Variants in ATP7A observed in about 807,000 individuals in gnomAD.
ATP7A encodes the protein ATPase copper transporting alpha.
A neutral mutation model predicts 83.5 loss-of-function variants in ATP7A; 7 were observed. The observed-to-expected ratio is 0.08, with a 90% CI of 0.05 to 0.16. The LOEUF is 0.16. Among genes scored for constraint, ATP7A ranks in the 10% least tolerant of loss-of-function variants. The probability of loss-of-function intolerance (pLI) is 1.00; values close to 1 mark genes in which losing one functional copy is unlikely to be tolerated. For synonymous variants in ATP7A, 354 were observed against 395.2 expected, an observed-to-expected ratio of 0.90 and a Z score of 1.24; for missense variants, 940 against 1,120.8, an observed-to-expected ratio of 0.84 and a Z score of 2.30.
At chrX:77,939,913 A>G (rs1264747644) in intron 1 of ATP7A, among the ~76,000 whole-genome samples, 1 of 108,315 alleles carries the variant, frequency 9.2e-6, no homozygotes, top group Non-Finnish European at 1.9e-5. Context: ...AAAAATACTA[A>G]GGAATAAATT....
chrX:78,030,767 C>T (rs186304579), intron 15 of ATP7A, among the ~76,000 whole-genome samples: 29 of 105,331 alleles, frequency 2.8e-4, no homozygotes, highest in Admixed American at 2.0e-3. Flanking sequence ...TCTCGGCTCA[C>T]TGCAACCTCC....
At chrX:77,955,973 T>C (rs1260778191) in intron 1 of ATP7A, among the ~76,000 whole-genome samples, 1 of 110,982 alleles carries the variant, frequency 9.0e-6, no homozygotes, top group Non-Finnish European at 1.9e-5. Flanking sequence ...TGGCAGAATT[T>C]TATTCTTTTT....
intron 1 of ATP7A, among the ~76,000 whole-genome samples, chrX:77,951,523 G>A (rs1557226794): frequency 1.8e-5 from 2 of 109,687 alleles, no homozygotes; most frequent in South Asian, 3.8e-4. Flanking sequence ...ACATATGTAC[G>A]TTTCTGGAAC....
At chrX:77,944,286 A>C (rs1263650387) in intron 1 of ATP7A, among the ~76,000 whole-genome samples, 1 of 112,219 alleles carries the variant, frequency 8.9e-6, no homozygotes, top group Non-Finnish European at 1.9e-5. Context: ...AAAAGTGTAC[A>C]CAGAAGAAAG....
At chrX:77,988,804 C>T (rs2077653526) in intron 3 of ATP7A, 73 bp downstream of exon 3, 1 of 1,158,222 alleles carries the variant, frequency 8.6e-7, no homozygotes, top group African/African-American at 1.8e-5. Flanking sequence ...TTGCTTTCTT[C>T]TTAAGCATGA....
At chrX:77,986,322 A>T (rs1306294812) in intron 2 of ATP7A, among the ~76,000 whole-genome samples, 1 of 112,589 alleles carries the variant, frequency 8.9e-6, no homozygotes, top group African/African-American at 3.2e-5. Flanking sequence ...TAAGTGAAAG[A>T]TTTAACTATT....
At chrX:78,016,750 T>A (rs961182381) in intron 12 of ATP7A, among the ~76,000 whole-genome samples, 5 of 112,637 alleles carry the variant, frequency 4.4e-5, no homozygotes, top group African/African-American at 1.6e-4. Flanking sequence ...ACTTCATGTC[T>A]CACATCCAGG....
rs2078077967 is a variant in ATP7A at position 78,045,559 on chromosome X, C to T, written c.4213C>T (p.Leu1405Phe). 1 of 1,201,201 alleles carries T rather than the reference C, an allele frequency of 8.3e-7. No individual in the cohort carries two copies. Among genetic ancestry groups the T allele is most frequent in the Admixed American group, 2.2e-5 (1 of 45,824 alleles). ...ATCTGTTTCTGTAGTACTTTCTTCT[C>T]TCTTCCTTAAACTGTAAGTATGATA... Reference protein sequence around the residue: ...ASSVSVVLSSLFLKLYRKPTY... With the variant: ...ASSVSVVLSSFFLKLYRKPTY... Residue 1405 changes from leucine (L) to phenylalanine (F), a missense_variant, in exon 22 of 23, where the codon CTC becomes TTC. Physicochemically the swap from Leu to Phe is conservative, Grantham distance 22 (BLOSUM62 0). Transcript: ENST00000341514.
At position 78,042,735 on chromosome X, in the gene ATP7A, A is replaced by G. The variant is rs2149111836; in HGVS notation, c.3952A>G (p.Ile1318Val). The G allele has an allele frequency of 7.4e-6, 9 of 1,211,752 alleles. No individual in the cohort carries two copies. The highest frequency in any genetic ancestry group is 8.9e-6 in the Non-Finnish European group (8 of 895,590). The stretch of plus-strand genomic sequence containing the variant: ...GGCAATGGCTAATGTGGGAATTGCT[A>G]TTGGCACAGGCACAGATGTAGCCAT... ...ALAMANVGIA[I>V]GTGTDVAIEA... The change falls in exon 20 of 23, where the codon ATT becomes GTT. Residue 1318 changes from isoleucine to valine, a missense_variant. Ile to Val is a conservative substitution (Grantham distance 29, BLOSUM62 3). Transcript: ENST00000341514.
intron 1 of ATP7A, among the ~76,000 whole-genome samples, chrX:77,955,212 A>G (rs1269966384): frequency 9.0e-6 from 1 of 111,596 alleles, no homozygotes; most frequent in Non-Finnish European, 1.9e-5. Flanking sequence ...GCATACAAAA[A>G]CAATGTATAA....
In ATP7A at chrX:77,927,335, G is replaced by A. The variant is rs947509328; in HGVS notation, c.-22+16500G>A. Among the ~76,000 whole-genome samples the A allele has an allele frequency of 2.7e-5, 3 of 110,881 alleles. No homozygotes were observed. The South Asian group carries it at 1.1e-3, about 42-fold the overall frequency. ...TTCTCTTACATACACATTCTCATGTGTATATATAAATTTATACAACATTTT... is the reference window on the plus strand; with the variant it reads ...TTCTCTTACATACACATTCTCATGTATATATATAAATTTATACAACATTTT... On this transcript the variant is annotated intron_variant, in intron 1 of 22. Coordinates refer to ENST00000341514, the MANE Select transcript of ATP7A (RefSeq NM_000052.7).
intron 9 of ATP7A, 77 bp from the exon 10 acceptor site, chrX:78,012,802 A>G: frequency 1.1e-6 from 1 of 895,038 alleles, no homozygotes. Context: ...GTGACTATTG[A>G]TACTTTAAGT....
intron 1 of ATP7A, among the ~76,000 whole-genome samples, chrX:77,951,757 T>G (rs1338890849): frequency 2.7e-5 from 3 of 111,413 alleles, no homozygotes; most frequent in African/African-American, 9.8e-5. Flanking sequence ...TTTTTGTATT[T>G]TTTTAGTAGA....
intron 1 of ATP7A, among the ~76,000 whole-genome samples, chrX:77,925,918 CTT>C (rs35626877): frequency 2.0e-5 from 2 of 99,876 alleles, no homozygotes; most frequent in Non-Finnish European, 4.0e-5. Flanking sequence ...AGTAATAAGG[CTT>C]TTTTTTTTTT....
At chrX:78,026,234 G>A (rs2077942350) in intron 14 of ATP7A, among the ~76,000 whole-genome samples, 2 of 111,807 alleles carry the variant, frequency 1.8e-5, no homozygotes, top group South Asian at 3.8e-4. Context: ...GTGAAGGGAT[G>A]GAGAAAGATC....
At chrX:78,018,491 C>T (rs782697911) in intron 12 of ATP7A, among the ~76,000 whole-genome samples, 5 of 111,148 alleles carry the variant, frequency 4.5e-5, no homozygotes, top group East Asian at 2.9e-4. Context: ...GCAAGAAGTG[C>T]GAAACTCTGT....
chrX:78,031,631 T>C, intron 16 of ATP7A, 49 bp downstream of exon 16: 1 of 1,144,462 alleles, frequency 8.7e-7, no homozygotes, highest in Non-Finnish European at 1.2e-6. Context: ...CCTGTAGGAA[T>C]TCCCCGGATC....
intron 14 of ATP7A, among the ~76,000 whole-genome samples, chrX:78,026,661 C>T (rs1411423807): frequency 4.5e-5 from 5 of 111,754 alleles, no homozygotes; most frequent in Non-Finnish European, 7.5e-5. Context: ...ATGGTACATT[C>T]CCTAACATTG....
At chrX:78,010,414 C>G (rs1281761607) in intron 7 of ATP7A, among the ~76,000 whole-genome samples, 1 of 111,628 alleles carries the variant, frequency 9.0e-6, no homozygotes, top group Non-Finnish European at 1.9e-5. Context: ...ATGTGTATTA[C>G]TATCTATGGT....
Sources: allele counts gnomAD v4.1 joint callset (sites outside exome capture counted in the v4.1 genomes callset), GRCh38; gene constraint gnomAD v4.1.1; transcripts MANE v1.5; gene names NCBI Gene and HGNC (gene_info 2026-07-23, HGNC 2026-07-21).